The following KIAA0319 variants were observed in gnomAD, a reference collection of about 807,000 sequenced individuals.
KIAA0319 encodes KIAA0319.
Under a neutral mutation model 108.4 loss-of-function variants are expected in KIAA0319, and 83 were observed. The ratio of observed to expected loss-of-function variants is 0.77; its 90% CI spans 0.64 to 0.92. The LOEUF (loss-of-function observed/expected upper bound fraction) is 0.92. Ranked by LOEUF, KIAA0319 falls within the 40% of genes least tolerant of loss-of-function variation. The pLI is 0.00. For missense variants in KIAA0319, 1,195 were observed against 1,322.4 expected, an observed-to-expected ratio of 0.90 and a Z score of 1.49; for synonymous variants, 484 against 510.4, an observed-to-expected ratio of 0.95 and a Z score of 0.70.
intron 7 of KIAA0319, among the ~76,000 whole-genome samples, chr6:24,580,319 CCA>C (rs1766295043): frequency 6.8e-6 from 1 of 146,756 alleles, no homozygotes; most frequent in Non-Finnish European, 1.5e-5. Context: ...ACTCCCCCCC[CCA>C]CCCCCCATAA....
At chr6:24,581,144 C>T (rs1404805060) in intron 6 of KIAA0319, 131 bp from the exon 7 acceptor site, 3 of 655,438 alleles carry the variant, frequency 4.6e-6, no homozygotes, top group Non-Finnish European at 8.1e-6. Flanking sequence ...GAGACAGTCT[C>T]ATTTGGATCT....
intron 2 of KIAA0319, chr6:24,598,904 A>C (rs1562035679): frequency 2.5e-6 from 1 of 396,344 alleles, no homozygotes; most frequent in East Asian, 4.6e-5. Flanking sequence ...GTAAAAAAAT[A>C]ATTTTAGCGA....
intron 8 of KIAA0319, 138 bp downstream of exon 8, chr6:24,579,720 A>T: frequency 1.6e-6 from 1 of 631,990 alleles, no homozygotes; most frequent in Non-Finnish European, 2.7e-6. Flanking sequence ...ACTAAAGAAG[A>T]CATAAAACTA....
chr6:24,633,566 C>T (rs1378353616), intron 1 of KIAA0319, among the ~76,000 whole-genome samples: 1 of 151,718 alleles, frequency 6.6e-6, no homozygotes, highest in Non-Finnish European at 1.5e-5. Flanking sequence ...TTGGGATCAG[C>T]CTGGCCAACA....
Position 24,568,920 on chromosome 6 carries a change from A to C in KIAA0319, c.2001T>G (p.Ser667Arg), listed in dbSNP as rs1764278754. The change falls in exon 13 of 21, where the codon AGT becomes AGG. Residue 667 changes from serine (S) to arginine (R), a missense_variant. Physicochemically the swap from Ser to Arg is moderately radical, Grantham distance 110. Coordinates refer to ENST00000378214, the MANE Select transcript of KIAA0319 (RefSeq NM_014809.4). ...TGTCAATATTTTCCATCTCCACTGCACTGGGGCCTCTATAAAACATAGAAG... is the reference window on the plus strand; with the variant it reads ...TGTCAATATTTTCCATCTCCACTGCCCTGGGGCCTCTATAAAACATAGAAG... The part of the protein sequence containing the change: ...FYHWEHVRGP[S>R]AVEMENIDKA... 1.9e-6 allele frequency: 3 copies of C among 1,614,038 alleles called. No individual in the cohort carries two copies. Among genetic ancestry groups the C allele is most frequent in the African/African-American group, 1.3e-5 (1 of 74,932 alleles).
chr6:24,629,563 T>C (rs1775240746), intron 1 of KIAA0319, among the ~76,000 whole-genome samples: 1 of 148,804 alleles, frequency 6.7e-6, no homozygotes, highest in Non-Finnish European at 1.5e-5. Context: ...GAAACACTTA[T>C]CCCAGCATAA....
chr6:24,598,213 G>A (rs1015787368), intron 2 of KIAA0319: 17 of 517,914 alleles, frequency 3.3e-5, no homozygotes, highest in Non-Finnish European at 5.0e-5. Context: ...CAGTGGTATG[G>A]AGGGCATCAC....
chr6:24,581,163 G>C, intron 6 of KIAA0319, 150 bp from the exon 7 acceptor site: 1 of 634,898 alleles, frequency 1.6e-6, no homozygotes, highest in Non-Finnish European at 2.8e-6. Flanking sequence ...CTGTCAAGAG[G>C]CTGCCGCATG....
chr6:24,556,523 G>A (rs1762302620), intron 18 of KIAA0319, 84 bp downstream of exon 18: 11 of 1,486,480 alleles, frequency 7.4e-6, no homozygotes, highest in South Asian at 5.1e-5. Context: ...GGTTGGCCTC[G>A]AATATTAGGC....
chr6:24,627,091 G>C (rs1290460303), intron 1 of KIAA0319, among the ~76,000 whole-genome samples: 1 of 152,038 alleles, frequency 6.6e-6, no homozygotes, highest in Admixed American at 6.6e-5. Context: ...GAACTCAATT[G>C]TTTTTCTTTC....
chr6:24,618,439 T>C (rs915933401), intron 1 of KIAA0319, among the ~76,000 whole-genome samples: 1 of 151,692 alleles, frequency 6.6e-6, no homozygotes, highest in Non-Finnish European at 1.5e-5. Flanking sequence ...TGAGATGTCA[T>C]CTCTATTAAA....
chr6:24,624,812 A>G (rs1774479715), intron 1 of KIAA0319, among the ~76,000 whole-genome samples: 1 of 152,164 alleles, frequency 6.6e-6, no homozygotes, highest in Non-Finnish European at 1.5e-5. Context: ...TGACTCCCAT[A>G]TTTCCTTCTA....
chr6:24,644,524 TCA>T (rs1297277443), intron 1 of KIAA0319, among the ~76,000 whole-genome samples: 1 of 152,286 alleles, frequency 6.6e-6, no homozygotes, highest in Non-Finnish European at 1.5e-5. Context: ...GCTTAAAGGT[TCA>T]CAGTTTCCAA....
chr6:24,629,514 C>CAAGAAAAAAAA (rs1775215355), intron 1 of KIAA0319, among the ~76,000 whole-genome samples: 1 of 42,412 alleles, frequency 2.4e-5, no homozygotes, highest in Non-Finnish European at 4.0e-5. Flanking sequence ...GACTCTGTCT[C>CAAGAAAAAAAA]AAAAAAAAAA....
At chr6:24,618,369 G>A (rs1190132785) in intron 1 of KIAA0319, among the ~76,000 whole-genome samples, 1 of 152,096 alleles carries the variant, frequency 6.6e-6, no homozygotes, top group Non-Finnish European at 1.5e-5. Context: ...AACACTTTGG[G>A]AGGCCAAGGG....
intron 1 of KIAA0319, among the ~76,000 whole-genome samples, chr6:24,612,459 A>G (rs903889608): frequency 6.6e-6 from 1 of 152,212 alleles, no homozygotes; most frequent in Non-Finnish European, 1.5e-5. Context: ...TACAAAATAA[A>G]GAAAAAGAAA....
In KIAA0319 at chr6:24,576,578, C is replaced by G. The variant is rs9918327; in HGVS notation, c.1524G>C (p.Ser508=). 6.2e-7 allele frequency: 1 copy of G among 1,613,816 alleles called. No homozygotes were observed. The highest frequency in any genetic ancestry group is 8.5e-7 in the Non-Finnish European group (1 of 1,179,896). The stretch of plus-strand genomic sequence containing the variant: ...CAGTTGTAGAGTTAGTGGCTCCGTC[C>G]GAGTCTGTAACAGTCAACCTACAAA... ...NYSFRLTVTD[S]DGATNSTTAA... is the part of the protein sequence containing the mutation. Residue 508 remains serine, a synonymous_variant, in exon 10 of 21, where the codon TCG becomes TCC. Transcript: ENST00000378214.
At chr6:24,596,978 CCCAT>C (rs531088457) in intron 2 of KIAA0319, among the ~76,000 whole-genome samples, 199 of 151,880 alleles carry the variant, frequency 1.3e-3, no homozygotes, top group Middle Eastern at 6.8e-3. Context: ...CATCCACCCT[CCCAT>C]CCATCCATCC....
intron 1 of KIAA0319, among the ~76,000 whole-genome samples, chr6:24,634,412 G>A (rs1241718776): frequency 6.6e-6 from 1 of 152,176 alleles, no homozygotes; most frequent in Non-Finnish European, 1.5e-5. Context: ...GGTGACAAAA[G>A]ATGTACAAGT....
Sources: allele counts gnomAD v4.1 joint callset (sites outside exome capture counted in the v4.1 genomes callset), GRCh38; gene constraint gnomAD v4.1.1; transcripts MANE v1.5; gene names NCBI Gene and HGNC (gene_info 2026-07-23, HGNC 2026-07-21).